DOCK1: variants seen among roughly 807,000 people sequenced by gnomAD.
DOCK1 encodes the protein dedicator of cytokinesis 1.
Under a neutral mutation model 262.7 loss-of-function variants are expected in DOCK1, and 138 were observed. The observed-to-expected ratio is 0.53, with a 90% CI of 0.46 to 0.61. The LOEUF (loss-of-function observed/expected upper bound fraction) is 0.61, where lower values mean the gene tolerates loss of function less well. DOCK1 is among the 20% of genes least tolerant of loss of function. The probability of loss-of-function intolerance (pLI) is 0.00; values close to 1 mark genes in which losing one functional copy is unlikely to be tolerated. For missense variants in DOCK1, 1,908 were observed against 2,370.7 expected (o/e 0.80, Z 4.05); for synonymous variants, 866 against 867.4 (o/e 1.00, Z 0.03).
chr10:127,124,801 A>G (rs1201926818), intron 25 of DOCK1, among the ~76,000 whole-genome samples: 4 of 152,288 alleles, frequency 2.6e-5, no homozygotes, highest in Admixed American at 1.3e-4. Flanking sequence ...ACTTTGGCTC[A>G]CCTTGGCATA....
rs1554931830 is a variant in DOCK1 at position 127,253,874 on chromosome 10, C to CCAAAA, written c.2950-3461_2950-3460insCAAAA. Among the ~76,000 whole-genome samples, 69 of 101,480 alleles carry CCAAAA rather than the reference C, an allele frequency of 6.8e-4. 1 individual carries two copies. Among genetic ancestry groups the CCAAAA allele is most frequent in the African/African-American group, 2.4e-3 (67 of 28,152 alleles). The allele number at this position is 101,480 out of a possible 152,430, so 66.6% of individuals were successfully genotyped here. ...TGGGTGATAGCATGAGACCCTGTCT[C>CCAAAA]AAAAAAAAAAAAAAAAAAAGGAAAC... On this transcript the variant is annotated intron_variant, in intron 28 of 51. Transcript: ENST00000623213.
At position 126,945,079 on chromosome 10, in the gene DOCK1, C is replaced by T. The variant is rs1015955840; in HGVS notation, c.47-25623C>T. Among the ~76,000 whole-genome samples the T allele has an allele frequency of 1.2e-4, 19 of 152,224 alleles. 1 individual carries two copies. The East Asian group carries it at 1.7e-3, about 14-fold the overall frequency. On this transcript the variant is annotated intron_variant, in intron 1 of 51. Transcript: ENST00000623213. ...GTCTCCAACTCCTGACTTTGTGATCCGCCTGCCTCGGCCTCCCAAAGTGCT... is the reference window on the plus strand; with the variant it reads ...GTCTCCAACTCCTGACTTTGTGATCTGCCTGCCTCGGCCTCCCAAAGTGCT...
chr10:127,237,212 T>C (rs1415250759), intron 27 of DOCK1, among the ~76,000 whole-genome samples: 1 of 151,860 alleles, frequency 6.6e-6, no homozygotes, highest in Non-Finnish European at 1.5e-5. Flanking sequence ...TATGAAAAAT[T>C]AGCCGGGTAT....
chr10:127,195,959 CGG>C (rs2057106849), intron 27 of DOCK1: 1 of 152,222 alleles, frequency 6.6e-6, no homozygotes, highest in South Asian at 2.1e-4. Context: ...ACGACGGGCG[CGG>C]GGGCGCGGGA....
At chr10:126,948,768 A>G (rs1210090852) in intron 1 of DOCK1, among the ~76,000 whole-genome samples, 1 of 151,970 alleles carries the variant, frequency 6.6e-6, no homozygotes, top group Non-Finnish European at 1.5e-5. Context: ...CCTCCCTGGA[A>G]TCATTGTGAG....
chr10:127,247,986 C>A, intron 27 of DOCK1, 22 bp from the exon 28 acceptor site: 1 of 1,609,686 alleles, frequency 6.2e-7, no homozygotes, highest in Non-Finnish European at 8.5e-7. Flanking sequence ...TCATCTAATT[C>A]TATCTTTTGA....
intron 38 of DOCK1, among the ~76,000 whole-genome samples, chr10:127,397,319 C>A (rs567930264): frequency 3.6e-4 from 54 of 150,804 alleles, no homozygotes; most frequent in African/African-American, 1.3e-3. Flanking sequence ...CCTATGTGAT[C>A]TGAGCATGAG....
At chr10:127,056,153 A>G (rs1303763285) in intron 22 of DOCK1, among the ~76,000 whole-genome samples, 4 of 152,092 alleles carry the variant, frequency 2.6e-5, no homozygotes, top group Admixed American at 6.5e-5. Context: ...CTAACCGAGT[A>G]CTGCAGTGAT....
At position 127,150,787 on chromosome 10, in the gene DOCK1, G is replaced by A. The variant is rs536374114; in HGVS notation, c.2847+23023G>A. ...TATTCAATGAAAAAGGTAGAGACAG[G>A]TCAAGTATGGATTCAGAAGGATTCT... On this transcript the variant is annotated intron_variant, in intron 27 of 51. Coordinates refer to ENST00000623213, the MANE Select transcript of DOCK1 (RefSeq NM_001290223.2). Among the ~76,000 whole-genome samples the A allele has an allele frequency of 7.2e-5, 11 of 152,260 alleles. 1 individual carries two copies. The South Asian group carries it at 2.3e-3, about 32-fold the overall frequency.
chr10:127,267,133 G>T (rs764476582), intron 29 of DOCK1, among the ~76,000 whole-genome samples: 2 of 152,190 alleles, frequency 1.3e-5, no homozygotes, highest in African/African-American at 2.4e-5. Flanking sequence ...ATCTCCAGAG[G>T]TTGCTTTTAG....
At chr10:127,410,206 A>G (rs547409275) in intron 42 of DOCK1, among the ~76,000 whole-genome samples, 68 of 152,218 alleles carry the variant, frequency 4.5e-4, no homozygotes, top group Non-Finnish European at 9.1e-4. Context: ...TTTACAAATG[A>G]TTGCTCTCGC....
At position 127,321,071 on chromosome 10, in the gene DOCK1, G is replaced by A. The variant is rs542013345; in HGVS notation, c.3045-17935G>A. Among the ~76,000 whole-genome samples, 9 of 152,038 alleles carry A rather than the reference G, an allele frequency of 5.9e-5. No homozygotes were observed. The South Asian group carries it at 8.3e-4, about 14-fold the overall frequency. On this transcript the variant is annotated intron_variant, in intron 29 of 51. Coordinates refer to ENST00000623213, the MANE Select transcript of DOCK1 (RefSeq NM_001290223.2). Reference sequence around the variant, plus strand: ...TCCTCATCAATAAGCCCACATTACCGCCCTCCCCAGTCTCAGACACTGTTG... The same window carrying A: ...TCCTCATCAATAAGCCCACATTACCACCCTCCCCAGTCTCAGACACTGTTG...
intron 29 of DOCK1, among the ~76,000 whole-genome samples, chr10:127,277,296 G>C: frequency 6.6e-6 from 1 of 152,116 alleles, no homozygotes; most frequent in East Asian, 1.9e-4. Flanking sequence ...AATACATATA[G>C]ACCTTGCACA....
intron 27 of DOCK1, among the ~76,000 whole-genome samples, chr10:127,245,607 A>G (rs2059407302): frequency 6.6e-6 from 1 of 152,098 alleles, no homozygotes; most frequent in Non-Finnish European, 1.5e-5. Context: ...CGGTTTTGGC[A>G]TTTGTTGCCT....
At chr10:127,295,953 A>C (rs1286220328) in intron 29 of DOCK1, among the ~76,000 whole-genome samples, 1 of 152,232 alleles carries the variant, frequency 6.6e-6, no homozygotes, top group East Asian at 1.9e-4. Flanking sequence ...GCTCTTAAGT[A>C]AAAATAAATA....
intron 22 of DOCK1, among the ~76,000 whole-genome samples, chr10:127,055,163 CT>C (rs552748287): frequency 2.9e-4 from 43 of 146,726 alleles, no homozygotes; most frequent in Non-Finnish European, 2.7e-4. Flanking sequence ...ATGGGGTTCA[CT>C]TTTTTTTTTT....
At chr10:127,277,564 G>A (rs1421564491) in intron 29 of DOCK1, among the ~76,000 whole-genome samples, 1 of 151,960 alleles carries the variant, frequency 6.6e-6, no homozygotes, top group East Asian at 1.9e-4. Context: ...TCGAGACCAG[G>A]CTGACCAATA....
intron 1 of DOCK1, among the ~76,000 whole-genome samples, chr10:126,964,531 C>T (rs2037515569): frequency 6.6e-6 from 1 of 152,236 alleles, no homozygotes; most frequent in Admixed American, 6.5e-5. Flanking sequence ...AGATGCATAC[C>T]ATTGAAAAGC....
intron 40 of DOCK1, among the ~76,000 whole-genome samples, chr10:127,408,688 C>A (rs2067664763): frequency 6.6e-6 from 1 of 152,202 alleles, no homozygotes; most frequent in Non-Finnish European, 1.5e-5. Context: ...TGCCTTGCCC[C>A]CTTCTAACCA....
Sources: allele counts gnomAD v4.1 joint callset (sites outside exome capture counted in the v4.1 genomes callset), GRCh38; gene constraint gnomAD v4.1.1; transcripts MANE v1.5; gene names NCBI Gene and HGNC (gene_info 2026-07-23, HGNC 2026-07-21).